Variants in THADA observed in about 807,000 individuals in gnomAD.
THADA encodes THADA armadillo repeat containing, also known as tRNA (32-2'-O)-methyltransferase regulator THADA.
A neutral mutation model predicts 219.8 loss-of-function variants in THADA; 213 were observed. The observed-to-expected ratio is 0.97, with a 90% CI of 0.87 to 1.09. THADA has a LOEUF of 1.09. THADA is among the 50% of genes least tolerant of loss of function. THADA has a pLI of 0.00. For synonymous variants in THADA, 1,018 were observed against 828.9 expected (o/e 1.23, Z -3.92); for missense variants, 2,956 against 2,311.3 (o/e 1.28, Z -5.72).
chr2:43,508,872 A>G, intron 22 of THADA, 92 bp from the exon 23 acceptor site: 2 of 1,280,200 alleles, frequency 1.6e-6, no homozygotes, highest in Non-Finnish European at 1.1e-6. Flanking sequence ...AGTAAATAAT[A>G]AATATCCTTA....
chr2:43,579,923 G>T (rs1022352838), intron 8 of THADA, among the ~76,000 whole-genome samples: 1 of 151,778 alleles, frequency 6.6e-6, no homozygotes, highest in African/African-American at 2.4e-5. Context: ...TTGGTTTTCA[G>T]TTACTTGCAG....
At chr2:43,263,875 A>C (rs1293743478) in intron 36 of THADA, among the ~76,000 whole-genome samples, 1 of 152,066 alleles carries the variant, frequency 6.6e-6, no homozygotes, top group Non-Finnish European at 1.5e-5. Flanking sequence ...TATTTTCCTC[A>C]TGCTCTCCCT....
chr2:43,492,395 T>A (rs1372255810), intron 25 of THADA: 1 of 152,236 alleles, frequency 6.6e-6, no homozygotes, highest in African/African-American at 2.4e-5. Flanking sequence ...TGCACATGTA[T>A]ATATGTGTAT....
chr2:43,526,367 T>C (rs185956562), intron 22 of THADA, among the ~76,000 whole-genome samples: 10 of 152,272 alleles, frequency 6.6e-5, no homozygotes, highest in Non-Finnish European at 1.0e-4. Flanking sequence ...CCTCAATCTA[T>C]CAACTTGCCT....
At chr2:43,344,068 C>A (rs1241001609) in intron 30 of THADA, 54 bp downstream of exon 30, 4 of 1,314,142 alleles carry the variant, frequency 3.0e-6, no homozygotes, top group South Asian at 1.3e-5. Context: ...CAGCAATTCT[C>A]AAATGTATTC....
rs765112085 is a variant in THADA, at chr2:43,279,815, G to A, written c.5246C>T (p.Thr1749Met). The change falls in exon 36 of 38, where the codon ACG becomes ATG. Residue 1749 changes from threonine (T) to methionine (M), a missense_variant. Coordinates refer to ENST00000405975, the MANE Select transcript of THADA (RefSeq NM_022065.5). ...SEEQAVRDAA[T>M]ETVTTAMSQE... ...TGACATGGCAGTTGTCACGGTTTCC[G>A]TGGCTGCATCTCTAACAGCTTGCTC... The A allele has an allele frequency of 1.6e-5, 25 of 1,557,478 alleles. No homozygotes were observed. In the East Asian group the frequency reaches 2.4e-4, roughly 15 times the overall value.
chr2:43,395,946 G>A (rs1280832864), intron 29 of THADA, among the ~76,000 whole-genome samples: 1 of 152,100 alleles, frequency 6.6e-6, no homozygotes, highest in African/African-American at 2.4e-5. Flanking sequence ...TAGTGGAGAT[G>A]GAGTTTCGCC....
chr2:43,295,232 T>A (rs912898731), intron 31 of THADA, among the ~76,000 whole-genome samples: 1 of 152,248 alleles, frequency 6.6e-6, no homozygotes, highest in African/African-American at 2.4e-5. Context: ...ACAAAGTAGT[T>A]GGCAAACTTC....
chr2:43,353,298 G>A (rs1159016208), intron 29 of THADA, among the ~76,000 whole-genome samples: 1 of 152,080 alleles, frequency 6.6e-6, no homozygotes, highest in African/African-American at 2.4e-5. Context: ...CCCACTCACA[G>A]GATGCAAGGG....
intron 20 of THADA, among the ~76,000 whole-genome samples, chr2:43,544,434 G>C (rs7578245): frequency 0.35 from 52,648 of 151,954 alleles, 9,754 homozygotes; most frequent in African/African-American, 0.48. Context: ...AGCTTGATGG[G>C]GATGGCATTG....
At chr2:43,290,811 T>C (rs893321210) in intron 34 of THADA, among the ~76,000 whole-genome samples, 1 of 151,856 alleles carries the variant, frequency 6.6e-6, no homozygotes, top group East Asian at 1.9e-4. Context: ...GGTGCTATCT[T>C]GTATGCACCT....
At chr2:43,333,396 T>C (rs1190828449) in intron 30 of THADA, 1 of 151,932 alleles carries the variant, frequency 6.6e-6, no homozygotes, top group Non-Finnish European at 1.5e-5. Context: ...AGACGGGTCC[T>C]AATGAGAACC....
chr2:43,393,027 C>G (rs533764880), intron 29 of THADA, among the ~76,000 whole-genome samples: 2 of 152,138 alleles, frequency 1.3e-5, no homozygotes, highest in South Asian at 4.1e-4. Flanking sequence ...TTAAGGATGA[C>G]AGAAGGTGGG....
intron 28 of THADA, among the ~76,000 whole-genome samples, chr2:43,409,908 T>G (rs1049970153): frequency 6.6e-6 from 1 of 151,856 alleles, no homozygotes; most frequent in African/African-American, 2.4e-5. Flanking sequence ...TCCTAGCTAC[T>G]CAGGAGGCTG....
intron 23 of THADA, among the ~76,000 whole-genome samples, chr2:43,506,355 A>G (rs1302253588): frequency 6.6e-6 from 1 of 152,232 alleles, no homozygotes; most frequent in African/African-American, 2.4e-5. Flanking sequence ...CCGATGTCCA[A>G]TAAACATAAA....
intron 1 of THADA, among the ~76,000 whole-genome samples, chr2:43,593,912 C>T (rs1701860765): frequency 6.6e-6 from 1 of 152,122 alleles, no homozygotes; most frequent in Admixed American, 6.5e-5. Flanking sequence ...GGATTACAGG[C>T]GTGAGCCACC....
chr2:43,555,120 G>A (rs1438665961), intron 17 of THADA, among the ~76,000 whole-genome samples: 1 of 151,912 alleles, frequency 6.6e-6, no homozygotes, highest in African/African-American at 2.4e-5. Flanking sequence ...ATCAACAGGA[G>A]AACGGATTCA....
intron 36 of THADA, among the ~76,000 whole-genome samples, chr2:43,262,966 C>T (rs1671126730): frequency 6.6e-6 from 1 of 152,200 alleles, no homozygotes; most frequent in Non-Finnish European, 1.5e-5. Context: ...AATCATCTCC[C>T]ACTTTCCTCC....
chr2:43,236,517 C>T (rs72875576), intron 36 of THADA, among the ~76,000 whole-genome samples: 2,212 of 152,208 alleles, frequency 0.015, 48 homozygotes, highest in African/African-American at 0.047. Context: ...GCCAGTCCAT[C>T]AAGGAAACAA....
Sources: allele counts gnomAD v4.1 joint callset (sites outside exome capture counted in the v4.1 genomes callset), GRCh38; gene constraint gnomAD v4.1.1; transcripts MANE v1.5; gene names NCBI Gene and HGNC (gene_info 2026-07-23, HGNC 2026-07-21).